KCND2: variants seen among roughly 807,000 people sequenced by gnomAD.
KCND2 encodes potassium voltage-gated channel subfamily D member 2.
In KCND2, 16 loss-of-function variants were observed where a neutral mutation model predicts 54.4. That is an observed-to-expected ratio of 0.29 (90% CI 0.20 to 0.45). KCND2 has a LOEUF of 0.45. Ranked by LOEUF, KCND2 falls within the 20% of genes least tolerant of loss-of-function variation. The pLI is 1.00. For missense variants in KCND2, 486 were observed against 824.2 expected (o/e 0.59, Z 5.02); for synonymous variants, 317 against 310.7 (o/e 1.02, Z -0.21).
chr7:120,419,695 T>C (rs1380670191), intron 1 of KCND2, among the ~76,000 whole-genome samples: 1 of 152,160 alleles, frequency 6.6e-6, no homozygotes, highest in Non-Finnish European at 1.5e-5. Flanking sequence ...TTACACATGA[T>C]GTATATAGAA....
At chr7:120,495,667 G>C (rs1234274353) in intron 1 of KCND2, among the ~76,000 whole-genome samples, 3 of 152,106 alleles carry the variant, frequency 2.0e-5, no homozygotes, top group Non-Finnish European at 2.9e-5. Flanking sequence ...GTGAGTGAAG[G>C]AAGCTGCATG....
intron 1 of KCND2, among the ~76,000 whole-genome samples, chr7:120,557,325 C>G: frequency 6.6e-6 from 1 of 151,986 alleles, no homozygotes; most frequent in Non-Finnish European, 1.5e-5. Context: ...TTGAAATTTA[C>G]AAGAGATTAT....
intron 1 of KCND2, among the ~76,000 whole-genome samples, chr7:120,493,759 T>C (rs770657510): frequency 6.6e-6 from 1 of 152,132 alleles, no homozygotes; most frequent in Non-Finnish European, 1.5e-5. Flanking sequence ...ACTCATATAT[T>C]GCTCATGGGA....
At chr7:120,601,505 C>G (rs1315585689) in intron 1 of KCND2, among the ~76,000 whole-genome samples, 2 of 152,122 alleles carry the variant, frequency 1.3e-5, no homozygotes, top group African/African-American at 4.8e-5. Context: ...TTTGAAGACA[C>G]AGCTGACTCT....
At chr7:120,305,063 A>G (rs1684444480) in intron 1 of KCND2, among the ~76,000 whole-genome samples, 1 of 152,192 alleles carries the variant, frequency 6.6e-6, no homozygotes, top group South Asian at 2.1e-4. Flanking sequence ...GTTCTATTCT[A>G]GGTGAAAGAT....
intron 1 of KCND2, among the ~76,000 whole-genome samples, chr7:120,620,961 C>T (rs891832091): frequency 2.0e-5 from 3 of 152,066 alleles, no homozygotes; most frequent in African/African-American, 7.2e-5. Context: ...AATATAGTCA[C>T]ATGATATGGT....
At chr7:120,631,256 TA>T (rs1793230094) in intron 1 of KCND2, among the ~76,000 whole-genome samples, 1 of 152,058 alleles carries the variant, frequency 6.6e-6, no homozygotes, top group Non-Finnish European at 1.5e-5. Context: ...GTACTTGTCA[TA>T]AAAAATATGA....
intron 1 of KCND2, among the ~76,000 whole-genome samples, chr7:120,337,119 T>C (rs1384433624): frequency 6.6e-6 from 1 of 152,166 alleles, no homozygotes; most frequent in Non-Finnish European, 1.5e-5. Flanking sequence ...GAGCTTGTCA[T>C]GCTACAAGGT....
At chr7:120,314,799 G>C (rs1242620166) in intron 1 of KCND2, among the ~76,000 whole-genome samples, 2 of 152,052 alleles carry the variant, frequency 1.3e-5, no homozygotes, top group Non-Finnish European at 2.9e-5. Context: ...ACATAGATGT[G>C]GATGAATCCA....
At chr7:120,655,245 C>G (rs1791786951) in intron 1 of KCND2, among the ~76,000 whole-genome samples, 1 of 151,906 alleles carries the variant, frequency 6.6e-6, no homozygotes, top group African/African-American at 2.4e-5. Flanking sequence ...CCAAAAGAGG[C>G]AGCATCAGCT....
At chr7:120,747,032 A>G (rs1793015919) in intron 5 of KCND2, 1 of 152,160 alleles carries the variant, frequency 6.6e-6, no homozygotes, top group African/African-American at 2.4e-5. Flanking sequence ...CTTAGGACAT[A>G]AACATCTTAA....
chr7:120,561,204 C>G (rs1584828713), intron 1 of KCND2, among the ~76,000 whole-genome samples: 1 of 152,152 alleles, frequency 6.6e-6, no homozygotes, highest in Non-Finnish European at 1.5e-5. Context: ...TGAGAGCTTA[C>G]TCTGCATTCA....
At chr7:120,603,511 A>G (rs1792840620) in intron 1 of KCND2, among the ~76,000 whole-genome samples, 1 of 152,334 alleles carries the variant, frequency 6.6e-6, no homozygotes, top group African/African-American at 2.4e-5. Flanking sequence ...ACTGGTGCCC[A>G]GCACTGAGCT....
chr7:120,522,436 C>T (rs1013831303), intron 1 of KCND2, among the ~76,000 whole-genome samples: 1 of 152,128 alleles, frequency 6.6e-6, no homozygotes, highest in African/African-American at 2.4e-5. Flanking sequence ...GTTACTCCTT[C>T]CAAGATAGAG....
chr7:120,430,105 G>A (rs1459883097), intron 1 of KCND2, among the ~76,000 whole-genome samples: 1 of 152,156 alleles, frequency 6.6e-6, no homozygotes, highest in Non-Finnish European at 1.5e-5. Context: ...GCCTGGGAGG[G>A]TTAAACAACA....
chr7:120,389,708 A>G (rs55732347), intron 1 of KCND2, among the ~76,000 whole-genome samples: 22 of 151,840 alleles, frequency 1.4e-4, no homozygotes, highest in Admixed American at 1.3e-3. Flanking sequence ...GTTATATTTA[A>G]ATTCTACCAT....
chr7:120,609,516 C>T (rs1792924935), intron 1 of KCND2, among the ~76,000 whole-genome samples: 1 of 152,130 alleles, frequency 6.6e-6, no homozygotes, highest in Non-Finnish European at 1.5e-5. Context: ...ACGTCATCCA[C>T]TATTCTCCCG....
At chr7:120,595,903 GAGGC>G (rs559081173) in intron 1 of KCND2, among the ~76,000 whole-genome samples, 3,003 of 151,628 alleles carry the variant, frequency 0.02, 117 homozygotes, top group African/African-American at 0.068. Flanking sequence ...GGGAGGGAGG[GAGGC>G]AGGCAGGCAG....
At chr7:120,721,014 TA>T (rs1392148723) in intron 1 of KCND2, among the ~76,000 whole-genome samples, 3 of 151,912 alleles carry the variant, frequency 2.0e-5, no homozygotes, top group African/African-American at 7.2e-5. Context: ...ATGCTGCATT[TA>T]AAAAAAATAG....
Sources: gnomAD v4.1 joint callset for allele counts (sites outside exome capture counted in the v4.1 genomes callset) on GRCh38, gnomAD v4.1.1 for gene constraint, MANE v1.5 for transcripts, NCBI Gene and HGNC (gene_info 2026-07-23, HGNC 2026-07-21) for gene names.